Variants in LSM4 observed in about 807,000 individuals in gnomAD.
LSM4 encodes LSM4 homolog, U6 small nuclear RNA and mRNA degradation associated.
Under a neutral mutation model 22.3 loss-of-function variants are expected in LSM4, and 15 were observed. The ratio of observed to expected loss-of-function variants is 0.67; its 90% confidence interval spans 0.45 to 1.03. LSM4 has a LOEUF of 1.03. Ranked by LOEUF, LSM4 falls within the 50% of genes least tolerant of loss-of-function variation. The pLI is 0.00. For missense variants in LSM4, 127 were observed against 198.0 expected (o/e 0.64, Z 2.15); for synonymous variants, 90 against 79.8 (o/e 1.13, Z -0.68).
intron 1 of LSM4, among the ~76,000 whole-genome samples, chr19:18,320,379 T>A (rs1970412810): frequency 6.6e-6 from 1 of 152,130 alleles, no homozygotes; most frequent in Admixed American, 6.5e-5. Flanking sequence ...TAGTGATGCA[T>A]GCCTGTGGTC....
intron 2 of LSM4, among the ~76,000 whole-genome samples, chr19:18,315,139 A>G (rs1463234135): frequency 1.3e-5 from 2 of 152,090 alleles, no homozygotes; most frequent in Non-Finnish European, 2.9e-5. Context: ...GGCCTCCCAA[A>G]GTGCTGGGAT....
Sources: allele counts gnomAD v4.1 joint callset (sites outside exome capture counted in the v4.1 genomes callset), GRCh38; gene constraint gnomAD v4.1.1; transcripts MANE v1.5; gene names NCBI Gene and HGNC (gene_info 2026-07-23, HGNC 2026-07-21).